The following PCBP3 variants were observed in gnomAD, a reference collection of about 807,000 sequenced individuals.
PCBP3 encodes the protein poly(rC)-binding protein 3.
PCBP3 carries 25 observed loss-of-function variants against 52.7 expected under a neutral mutation model. That is an observed-to-expected ratio of 0.47 (90% confidence interval 0.35 to 0.66). The LOEUF is 0.66. Among genes scored for constraint, PCBP3 ranks in the 30% least tolerant of loss-of-function variants. PCBP3 has a pLI of 0.01. For synonymous variants in PCBP3, 162 were observed against 183.0 expected, an observed-to-expected ratio of 0.89 and a Z score of 0.93; for missense variants, 391 against 490.3, an observed-to-expected ratio of 0.80 and a Z score of 1.91.
chr21:45,681,673 G>A (rs780604250), intron 2 of PCBP3, among the ~76,000 whole-genome samples: 27 of 152,086 alleles, frequency 1.8e-4, no homozygotes, highest in Admixed American at 1.6e-3. Flanking sequence ...AGGATATTTT[G>A]CATCTATATT....
intron 5 of PCBP3, among the ~76,000 whole-genome samples, chr21:45,857,393 A>C (rs950139641): frequency 2.0e-5 from 3 of 152,196 alleles, no homozygotes; most frequent in African/African-American, 7.2e-5. Flanking sequence ...CAAGAAAAAA[A>C]ATCAGAATTG....
At chr21:45,706,115 C>A (rs1043229494) in intron 2 of PCBP3, among the ~76,000 whole-genome samples, 1 of 152,184 alleles carries the variant, frequency 6.6e-6, no homozygotes, top group Non-Finnish European at 1.5e-5. Context: ...TGCAGTACAT[C>A]AAAGGTAATG....
chr21:45,799,925 C>A (rs1478874076), intron 4 of PCBP3, among the ~76,000 whole-genome samples: 1 of 152,238 alleles, frequency 6.6e-6, no homozygotes, highest in African/African-American at 2.4e-5. Context: ...CGGGCAGAGG[C>A]TGTGCTAGCT....
rs148184783 is a variant in PCBP3 at position 45,867,694 on chromosome 21, C to T, written c.10+17599C>T. On this transcript the variant is annotated intron_variant, in intron 5 of 17. Coordinates refer to ENST00000681687, the MANE Select transcript of PCBP3 (RefSeq NM_001384156.1). ...CAGGAGCTCTGGGGGCTGCGCCCAT[C>T]GTGGAGACGGATAGCTGTCTCTCAT... Among the ~76,000 whole-genome samples, 594 of 152,390 alleles carry T rather than the reference C, an allele frequency of 3.9e-3. 2 individuals carry two copies. The highest frequency in any genetic ancestry group is 0.01 in the Middle Eastern group (3 of 294).
chr21:45,865,155 A>G (rs2094664759), intron 5 of PCBP3, among the ~76,000 whole-genome samples: 1 of 152,202 alleles, frequency 6.6e-6, no homozygotes, highest in Admixed American at 6.5e-5. Flanking sequence ...GGAAAGTCCC[A>G]CTTATTTTGA....
intron 4 of PCBP3, among the ~76,000 whole-genome samples, chr21:45,816,368 G>A (rs996522002): frequency 1.3e-5 from 2 of 151,342 alleles, no homozygotes; most frequent in East Asian, 3.9e-4. Context: ...CAAACACATT[G>A]TATGCAGCTA....
intron 3 of PCBP3, among the ~76,000 whole-genome samples, chr21:45,738,426 T>C (rs971883799): frequency 3.3e-5 from 5 of 151,966 alleles, no homozygotes; most frequent in Admixed American, 3.3e-4. Context: ...AGCTAATTTT[T>C]TGTATTCTTA....
chr21:45,659,847 C>T (rs2147037800), intron 1 of PCBP3, among the ~76,000 whole-genome samples: 1 of 152,142 alleles, frequency 6.6e-6, no homozygotes, highest in South Asian at 2.1e-4. Flanking sequence ...AATTTTGGGA[C>T]TTATTTTCTT....
chr21:45,794,555 T>A (rs1197052730), intron 4 of PCBP3, among the ~76,000 whole-genome samples: 1 of 152,198 alleles, frequency 6.6e-6, no homozygotes, highest in Non-Finnish European at 1.5e-5. Context: ...TTTGAAATCA[T>A]AGAAAATATA....
intron 5 of PCBP3, chr21:45,894,131 T>A: frequency 7.6e-6 from 5 of 658,618 alleles, no homozygotes; most frequent in Non-Finnish European, 9.4e-6. Flanking sequence ...TCTGGGGCTC[T>A]GGGCACTGAG....
chr21:45,815,478 T>G (rs1203531813), intron 4 of PCBP3, among the ~76,000 whole-genome samples: 1 of 82,358 alleles, frequency 1.2e-5, no homozygotes, highest in African/African-American at 4.9e-5. Flanking sequence ...TGATGAGTGA[T>G]GGGTGAGTGG....
At chr21:45,790,787 G>A (rs1207254633) in intron 4 of PCBP3, among the ~76,000 whole-genome samples, 1 of 152,168 alleles carries the variant, frequency 6.6e-6, no homozygotes, top group Non-Finnish European at 1.5e-5. Flanking sequence ...GTCCTTGGGG[G>A]TCTTGAGCAG....
chr21:45,809,160 C>T (rs1442597857), intron 4 of PCBP3, among the ~76,000 whole-genome samples: 1 of 152,180 alleles, frequency 6.6e-6, no homozygotes, highest in Non-Finnish European at 1.5e-5. Flanking sequence ...GCATGTTCTG[C>T]ACTTGTGTCC....
chr21:45,703,594 A>G (rs879404708), intron 2 of PCBP3, among the ~76,000 whole-genome samples: 1 of 152,138 alleles, frequency 6.6e-6, no homozygotes, highest in African/African-American at 2.4e-5. Flanking sequence ...CTCCGTGGGA[A>G]ATAGGGAGCC....
chr21:45,826,947 G>T (rs2093324067), intron 4 of PCBP3, among the ~76,000 whole-genome samples: 1 of 152,008 alleles, frequency 6.6e-6, no homozygotes, highest in Non-Finnish European at 1.5e-5. Flanking sequence ...GCTTCTGCTT[G>T]TACCCACCCG....
At chr21:45,937,762 C>CCT (rs1298846909) in intron 16 of PCBP3, among the ~76,000 whole-genome samples, 2 of 152,212 alleles carry the variant, frequency 1.3e-5, no homozygotes, top group Non-Finnish European at 2.9e-5. Context: ...TAGAAGGCAT[C>CCT]CTCCCCTGCA....
At chr21:45,727,563 A>G (rs1274046243) in intron 2 of PCBP3, among the ~76,000 whole-genome samples, 1 of 152,202 alleles carries the variant, frequency 6.6e-6, no homozygotes, top group Non-Finnish European at 1.5e-5. Context: ...TGGTCTCCAC[A>G]GGAGGAATGG....
In PCBP3 at chr21:45,805,459, C is replaced by T. The variant is rs1454299134; in HGVS notation, c.-125-44502C>T. On this transcript the variant is annotated intron_variant, in intron 4 of 17. Transcript: ENST00000681687. The surrounding 1 kb of genome is among the most constrained non-coding windows in gnomAD (Gnocchi z 4.6). ...AGCCCTTCCTTCTGGAGCCCCCTGT[C>T]TTCCCTTATCCACTGCCTCAAGGTT... 6.6e-6 allele frequency among the ~76,000 whole-genome samples: 1 copy of T among 152,132 alleles called. No individual in the cohort carries two copies. The highest frequency in any genetic ancestry group is 1.5e-5 in the Non-Finnish European group (1 of 68,026).
intron 2 of PCBP3, among the ~76,000 whole-genome samples, chr21:45,732,463 G>C (rs1312947267): frequency 1.3e-5 from 2 of 149,226 alleles, no homozygotes; most frequent in African/African-American, 4.9e-5. Flanking sequence ...GATTTTAGCT[G>C]CTCTTGCCAT....
Sources: allele counts gnomAD v4.1 joint callset (sites outside exome capture counted in the v4.1 genomes callset), GRCh38; gene constraint gnomAD v4.1.1; non-coding constraint Gnocchi (gnomAD v3.1); transcripts MANE v1.5; gene names NCBI Gene and HGNC (gene_info 2026-07-23, HGNC 2026-07-21).